Variants in HS6ST2 observed in about 807,000 individuals in gnomAD.
HS6ST2 encodes the protein heparan-sulfate 6-O-sulfotransferase 2.
Under a neutral mutation model 33.0 loss-of-function variants are expected in HS6ST2, and 17 were observed. That is an observed-to-expected ratio of 0.52 (90% CI 0.35 to 0.77). HS6ST2 has a LOEUF of 0.77. Among genes scored for constraint, HS6ST2 ranks in the 30% least tolerant of loss-of-function variants. The probability of loss-of-function intolerance (pLI) is 0.01; values close to 1 mark genes in which losing one functional copy is unlikely to be tolerated. For missense variants in HS6ST2, 519 were observed against 551.7 expected (o/e 0.94, Z 0.59); for synonymous variants, 248 against 237.1 (o/e 1.05, Z -0.42).
chrX:132,662,330 G>A (rs2063780300), intron 4 of HS6ST2, among the ~76,000 whole-genome samples: 1 of 112,027 alleles, frequency 8.9e-6, no homozygotes, highest in Non-Finnish European at 1.9e-5. Flanking sequence ...ATAGCATACT[G>A]TTTAACATCA....
chrX:132,822,507 C>G (rs2065470410), intron 2 of HS6ST2, among the ~76,000 whole-genome samples: 1 of 111,603 alleles, frequency 9.0e-6, no homozygotes, highest in Non-Finnish European at 1.9e-5. Flanking sequence ...CAAACTCTGC[C>G]TGGACTCCTG....
At chrX:132,731,342 C>T (rs1337746164) in intron 2 of HS6ST2, among the ~76,000 whole-genome samples, 4 of 111,554 alleles carry the variant, frequency 3.6e-5, no homozygotes, top group Non-Finnish European at 7.5e-5. Context: ...CTGACTGGGT[C>T]CAAGCCTCAT....
At chrX:132,695,257 T>A (rs970354542) in intron 3 of HS6ST2, among the ~76,000 whole-genome samples, 3 of 111,678 alleles carry the variant, frequency 2.7e-5, no homozygotes, top group Non-Finnish European at 5.7e-5. Context: ...AGAGTAAGGC[T>A]TCCAGTGATG....
intron 2 of HS6ST2, among the ~76,000 whole-genome samples, chrX:132,929,624 C>T (rs897637789): frequency 9.0e-6 from 1 of 111,468 alleles, no homozygotes; most frequent in African/African-American, 3.3e-5. Context: ...TGTAGGGGGA[C>T]ATTACATAAT....
At chrX:132,813,758 G>A (rs1335847349) in intron 2 of HS6ST2, among the ~76,000 whole-genome samples, 2 of 109,259 alleles carry the variant, frequency 1.8e-5, no homozygotes, top group Non-Finnish European at 3.8e-5. Context: ...TCATGTCCTC[G>A]CTGCCTTTTA....
chrX:132,862,061 T>C (rs1185428334), intron 2 of HS6ST2, among the ~76,000 whole-genome samples: 1 of 111,987 alleles, frequency 8.9e-6, no homozygotes, highest in Non-Finnish European at 1.9e-5. Flanking sequence ...ATATACTAGG[T>C]TGGGAGCTTA....
chrX:132,839,272 GTA>G (rs748319681), intron 2 of HS6ST2, among the ~76,000 whole-genome samples: 4,341 of 62,376 alleles, frequency 0.07, 85 homozygotes, highest in East Asian at 0.13. Context: ...TGTAGTGTGT[GTA>G]TATATATATA....
chrX:132,902,806 A>G (rs2066436972), intron 2 of HS6ST2, among the ~76,000 whole-genome samples: 1 of 111,855 alleles, frequency 8.9e-6, no homozygotes, highest in Admixed American at 9.5e-5. Context: ...GACTTCCTCA[A>G]CCTGATAAAG....
At chrX:132,659,152 A>G (rs1226169967) in intron 4 of HS6ST2, among the ~76,000 whole-genome samples, 3 of 112,390 alleles carry the variant, frequency 2.7e-5, no homozygotes, top group Non-Finnish European at 5.6e-5. Context: ...TGCATGTGAC[A>G]TCTTAATTAT....
At position 132,665,381 on chromosome X, in the gene HS6ST2, T is replaced by C. The variant is rs2063801683; in HGVS notation, c.1067+3732A>G. ...AGAAGACCAGGTGTCTAGGCTGCCC[T>C]CTGCTAGTAGCTAGGTGTGTGCCTC... On this transcript the variant is annotated intron_variant, in intron 4 of 4. Coordinates refer to ENST00000370833, the MANE Select transcript of HS6ST2 (RefSeq NM_001394073.1). Among the ~76,000 whole-genome samples the C allele has an allele frequency of 2.7e-5, 3 of 112,061 alleles. No homozygotes were observed. The South Asian group carries it at 1.2e-3, about 43-fold the overall frequency.
intron 2 of HS6ST2, among the ~76,000 whole-genome samples, chrX:132,719,985 A>G (rs1388411329): frequency 8.9e-6 from 1 of 112,314 alleles, no homozygotes; most frequent in Non-Finnish European, 1.9e-5. Context: ...GCTACTCTCT[A>G]GCTGGGATGA....
intron 2 of HS6ST2, among the ~76,000 whole-genome samples, chrX:132,717,456 C>G (rs1272841002): frequency 8.9e-6 from 1 of 112,659 alleles, no homozygotes; most frequent in Non-Finnish European, 1.9e-5. Context: ...ATTAATGAAA[C>G]CTGCTGAATT....
intron 2 of HS6ST2, among the ~76,000 whole-genome samples, chrX:132,792,435 C>G (rs1479769940): frequency 8.9e-6 from 1 of 112,253 alleles, no homozygotes; most frequent in Non-Finnish European, 1.9e-5. Flanking sequence ...CTAGCTCAAG[C>G]TTCTGAACTG....
At position 132,784,303 on chromosome X, in the gene HS6ST2, G is replaced by C. The variant is rs144964774; in HGVS notation, c.948-75809C>G. On this transcript the variant is annotated intron_variant, in intron 2 of 4. Coordinates refer to ENST00000370833, the MANE Select transcript of HS6ST2 (RefSeq NM_001394073.1). ...GAACTGAGCCTCAATGTCTCTTTTT[G>C]CTTGTTTGTTTGTTTGTTTGTTTGT... is the stretch of plus-strand genomic sequence containing the variant. Among the ~76,000 whole-genome samples the C allele has an allele frequency of 6.3e-4, 70 of 110,886 alleles. No homozygotes were observed. In the East Asian group the frequency reaches 0.017, roughly 27 times the overall value.
At chrX:132,642,487 T>C (rs1196068539) in intron 4 of HS6ST2, among the ~76,000 whole-genome samples, 1 of 111,603 alleles carries the variant, frequency 9.0e-6, no homozygotes, top group African/African-American at 3.3e-5. Context: ...ATTTGAACTG[T>C]AAAGAATTGA....
At chrX:132,758,016 G>C (rs1257123100) in intron 2 of HS6ST2, among the ~76,000 whole-genome samples, 1 of 111,904 alleles carries the variant, frequency 8.9e-6, no homozygotes, top group African/African-American at 3.2e-5. Context: ...ACACACATGA[G>C]AAAAACAAAA....
intron 4 of HS6ST2, among the ~76,000 whole-genome samples, chrX:132,656,449 T>C (rs2063730185): frequency 9.0e-6 from 1 of 111,000 alleles, no homozygotes; most frequent in Non-Finnish European, 1.9e-5. Context: ...ATTTTTTATT[T>C]TTATTTATTT....
chrX:132,956,906 C>G lies in HS6ST2; in HGVS notation c.849G>C (p.Thr283=), dbSNP rs747530672. 8.4e-6 allele frequency: 10 copies of G among 1,195,929 alleles called. No individual in the cohort carries two copies. The Admixed American group carries it at 2.0e-4, about 24-fold the overall frequency. Reference sequence around the variant, plus strand: ...CGGCGTGCAACCCGCAGCTCCAGCCCGTGGAGAACCTGGAGAAGAGCCAGG... The same window carrying G: ...CGGCGTGCAACCCGCAGCTCCAGCCGGTGGAGAACCTGGAGAAGAGCCAGG... The part of the protein sequence containing the change: ...RETWLFSRFS[T]GWSCGLHADW... The change falls in exon 2 of 5, where the codon ACG becomes ACC. Residue 283 remains threonine (T), a synonymous_variant. Coordinates refer to ENST00000370833, the MANE Select transcript of HS6ST2 (RefSeq NM_001394073.1).
At chrX:132,692,752 A>C (rs2064076625) in intron 3 of HS6ST2, among the ~76,000 whole-genome samples, 1 of 111,667 alleles carries the variant, frequency 9.0e-6, no homozygotes, top group African/African-American at 3.3e-5. Context: ...GCAACAACAA[A>C]TTGCTTCCTC....
Sources: allele counts gnomAD v4.1 joint callset (sites outside exome capture counted in the v4.1 genomes callset), GRCh38; gene constraint gnomAD v4.1.1; transcripts MANE v1.5; gene names NCBI Gene and HGNC (gene_info 2026-07-23, HGNC 2026-07-21).